The following MRE11 variants were observed in gnomAD, a reference collection of about 807,000 sequenced individuals.
The protein encoded by MRE11 is MRE11 double strand break repair nuclease.
A neutral mutation model predicts 91.7 loss-of-function variants in MRE11; 62 were observed. The observed-to-expected ratio is 0.68, with a 90% CI of 0.55 to 0.84. The LOEUF (loss-of-function observed/expected upper bound fraction) is 0.84, where lower values mean the gene tolerates loss of function less well. Among genes scored for constraint, MRE11 ranks in the 40% least tolerant of loss-of-function variants. The probability of loss-of-function intolerance (pLI) is 0.00; values close to 1 mark genes in which losing one functional copy is unlikely to be tolerated. For missense variants in MRE11, 796 were observed against 852.9 expected (o/e 0.93, Z 0.83); for synonymous variants, 273 against 271.4 (o/e 1.01, Z -0.06).
rs1195401812 is a variant in MRE11, at chr11:94,490,832, C to T, written c.153+1G>A. ...AGTGCACAAATACAAACCACACTCA[C>T]TTCATTTTCCTGGGCAAGTCTTAAA... On this transcript the variant is annotated splice_donor_variant, in intron 3 of 19. Coordinates refer to ENST00000323929, the MANE Select transcript of MRE11 (RefSeq NM_005591.4). LOFTEE classifies it high-confidence loss of function. 2 of 1,613,634 alleles carry T rather than the reference C, an allele frequency of 1.2e-6. No homozygotes were observed. Among genetic ancestry groups the T allele is most frequent in the African/African-American group, 2.7e-5 (2 of 75,034 alleles).
intron 14 of MRE11, among the ~76,000 whole-genome samples, chr11:94,450,564 CAATAA>C (rs1946072890): frequency 6.6e-6 from 1 of 151,824 alleles, no homozygotes; most frequent in East Asian, 1.9e-4. Flanking sequence ...AATCATCATG[CAATAA>C]AATAAAAAAT....
rs984480549 is a variant in MRE11 at position 94,485,762 on chromosome 11, G to C, written c.314+162C>G. Among the ~76,000 whole-genome samples the C allele has an allele frequency of 2.0e-5, 3 of 150,976 alleles. No individual in the cohort carries two copies. In the East Asian group the frequency reaches 5.8e-4, roughly 29 times the overall value. On this transcript the variant is annotated intron_variant, in intron 4 of 19. Transcript: ENST00000323929. ...GCTGGGTCAGTTCCACTATTAATTAGGAAAATATAAATTAATACAATGATG... is the reference window on the plus strand; with the variant it reads ...GCTGGGTCAGTTCCACTATTAATTACGAAAATATAAATTAATACAATGATG...
chr11:94,420,410 A>C (rs1304426566), intron 19 of MRE11, among the ~76,000 whole-genome samples: 1 of 152,220 alleles, frequency 6.6e-6, no homozygotes, highest in Non-Finnish European at 1.5e-5. Flanking sequence ...AATATAAACC[A>C]CACACATTTC....
intron 8 of MRE11, 32 bp from the exon 9 acceptor site, chr11:94,470,674 A>C (rs1190515830): frequency 1.2e-6 from 2 of 1,609,756 alleles, no homozygotes; most frequent in Admixed American, 3.3e-5. Context: ...ACCGAGTCAC[A>C]GTGTAAATTT....
At chr11:94,428,734 G>A (rs150845818) in intron 19 of MRE11, among the ~76,000 whole-genome samples, 82 of 151,988 alleles carry the variant, frequency 5.4e-4, no homozygotes, top group African/African-American at 1.8e-3. Flanking sequence ...GTGGTGATGC[G>A]CACCTGTAAT....
the MRE11 span, chr11:94,512,340 A>G: frequency 6.7e-6 from 3 of 449,252 alleles, no homozygotes; most frequent in Non-Finnish European, 1.1e-5. Flanking sequence ...GTCAATGATA[A>G]TAATAACCCC....
At chr11:94,430,190 C>CTA (rs1945426996) in intron 18 of MRE11, among the ~76,000 whole-genome samples, 1 of 152,204 alleles carries the variant, frequency 6.6e-6, no homozygotes, top group Non-Finnish European at 1.5e-5. Flanking sequence ...TTGCCCTTTA[C>CTA]TACCTATGTG....
chr11:94,448,564 T>C (rs1012969918), intron 14 of MRE11, among the ~76,000 whole-genome samples: 18 of 151,648 alleles, frequency 1.2e-4, no homozygotes, highest in African/African-American at 4.4e-4. Flanking sequence ...TGAGCTGAGA[T>C]TGCACCACTG....
At chr11:94,505,139 A>G in the MRE11 span, among the ~76,000 whole-genome samples, 1 of 152,222 alleles carries the variant, frequency 6.6e-6, no homozygotes, top group Non-Finnish European at 1.5e-5. Flanking sequence ...TAATGATAAT[A>G]AACAACTATG....
At chr11:94,456,117 T>C (rs1275620102) in intron 14 of MRE11, among the ~76,000 whole-genome samples, 159 bp downstream of exon 14, 2 of 152,142 alleles carry the variant, frequency 1.3e-5, no homozygotes, top group Admixed American at 1.3e-4. Context: ...AGAATATTTG[T>C]AGGCTGAACT....
chr11:94,470,676 T>A (rs1946683890), intron 8 of MRE11, 34 bp from the exon 9 acceptor site: 1 of 1,609,734 alleles, frequency 6.2e-7, no homozygotes, highest in South Asian at 1.1e-5. Flanking sequence ...CGAGTCACAG[T>A]GTAAATTTCC....
chr11:94,464,002 C>T (rs1400441391), intron 11 of MRE11, 111 bp downstream of exon 11: 2 of 1,196,936 alleles, frequency 1.7e-6, no homozygotes, highest in South Asian at 1.3e-5. Flanking sequence ...TTGTTTAAGA[C>T]ATTACAATCA....
intron 14 of MRE11, among the ~76,000 whole-genome samples, chr11:94,451,812 A>C (rs530974307): frequency 6.6e-6 from 1 of 152,202 alleles, no homozygotes; most frequent in African/African-American, 2.4e-5. Context: ...AAAAACCCTA[A>C]ATATGCTATA....
Position 94,467,865 on chromosome 11 carries a change from C to T in MRE11, c.1046G>A (p.Arg349Gln), listed in dbSNP as rs864622683. The change falls in exon 10 of 20, where the codon CGG becomes CAG. Residue 349 changes from arginine (R) to glutamine (Q), a missense_variant. Arg to Gln is a conservative substitution (Grantham distance 43). Transcript: ENST00000323929. ...KIEEMLENAE[R>Q]ERLGNSHQPE... ...CTGGTGAGAATTACCCAGACGTTCCCGTTCAGCATTTTCAAGCATTTCTTC... is the reference window on the plus strand; with the variant it reads ...CTGGTGAGAATTACCCAGACGTTCCTGTTCAGCATTTTCAAGCATTTCTTC... The T allele has an allele frequency of 9.9e-6, 16 of 1,613,506 alleles. 1 individual carries two copies. The highest frequency in any genetic ancestry group is 5.5e-5 in the South Asian group (5 of 91,052).
chr11:94,475,653 C>T (rs972360790), intron 7 of MRE11: 1 of 455,492 alleles, frequency 2.2e-6, no homozygotes, highest in African/African-American at 2.0e-5. Flanking sequence ...AAACTACTAA[C>T]AAAAGAAAGG....
At chr11:94,473,307 C>G (rs1169174660) in intron 7 of MRE11, 2 of 152,024 alleles carry the variant, frequency 1.3e-5, no homozygotes, top group Non-Finnish European at 2.9e-5. Flanking sequence ...CAACATGATG[C>G]CATTGTGCCT....
At chr11:94,498,649 A>G, upstream of MRE11, 1 of 877,948 alleles carries the variant, frequency 1.1e-6, no homozygotes, top group Non-Finnish European at 1.8e-6. Flanking sequence ...GACATTCATT[A>G]TAACATTCTT....
At chr11:94,500,094 A>G in the MRE11 span, among the ~76,000 whole-genome samples, 1 of 152,156 alleles carries the variant, frequency 6.6e-6, no homozygotes, top group South Asian at 2.1e-4. Flanking sequence ...ACCAAATGAC[A>G]GATACAGCTG....
chr11:94,486,855 G>C (rs1398800658), intron 3 of MRE11, among the ~76,000 whole-genome samples: 2 of 152,032 alleles, frequency 1.3e-5, no homozygotes, highest in East Asian at 3.9e-4. Context: ...AGTGAAGGAG[G>C]GAAATCATAC....
Sources: allele counts gnomAD v4.1 joint callset (sites outside exome capture counted in the v4.1 genomes callset), GRCh38; gene constraint gnomAD v4.1.1; transcripts MANE v1.5; gene names NCBI Gene and HGNC (gene_info 2026-07-23, HGNC 2026-07-21).